The following HTR1E variants were observed in gnomAD, a reference collection of about 807,000 sequenced individuals.
The protein encoded by HTR1E is 5-hydroxytryptamine receptor 1E.
HTR1E carries 3 observed loss-of-function variants against 3.4 expected under a neutral mutation model. The observed-to-expected ratio is 0.89, with a 90% confidence interval of 0.41 to 2.31. The LOEUF (loss-of-function observed/expected upper bound fraction) is 2.31, where lower values mean the gene tolerates loss of function less well. Ranked by LOEUF, HTR1E falls within the 30% of genes most tolerant of loss-of-function variation. The probability of loss-of-function intolerance (pLI) is 0.05; values close to 1 mark genes in which losing one functional copy is unlikely to be tolerated. For missense variants in HTR1E, 392 were observed against 467.0 expected (o/e 0.84, Z 1.48); for synonymous variants, 170 against 182.8 (o/e 0.93, Z 0.56).
intron 1 of HTR1E, among the ~76,000 whole-genome samples, chr6:86,977,193 C>T (rs1471116998): frequency 1.3e-5 from 2 of 152,140 alleles, no homozygotes; most frequent in African/African-American, 2.4e-5. Flanking sequence ...TTCCCCCTCT[C>T]CCTCCTCTGG....
chr6:87,012,029 T>C (rs1263360247), intron 1 of HTR1E, among the ~76,000 whole-genome samples: 1 of 152,136 alleles, frequency 6.6e-6, no homozygotes, highest in African/African-American at 2.4e-5. Context: ...ATGCATGGTG[T>C]GGCTAGGGAC....
chr6:86,945,925 G>A (rs1160173898), intron 1 of HTR1E, among the ~76,000 whole-genome samples: 4 of 152,010 alleles, frequency 2.6e-5, no homozygotes, highest in Admixed American at 2.6e-4. Context: ...TTTTAGTAGA[G>A]ATGGGGATTC....
chr6:87,009,484 A>T (rs373044282), intron 1 of HTR1E, among the ~76,000 whole-genome samples: 3 of 151,548 alleles, frequency 2.0e-5, no homozygotes, highest in African/African-American at 7.3e-5. Flanking sequence ...CACGGCAACC[A>T]TCCGATTTCT....
chr6:86,999,889 C>G (rs1415996274), intron 1 of HTR1E, among the ~76,000 whole-genome samples: 1 of 152,210 alleles, frequency 6.6e-6, no homozygotes, highest in Non-Finnish European at 1.5e-5. Context: ...GTGCTACTAT[C>G]TACACAAACA....
At chr6:86,947,459 AT>A (rs201039956) in intron 1 of HTR1E, among the ~76,000 whole-genome samples, 5 of 151,952 alleles carry the variant, frequency 3.3e-5, no homozygotes, top group South Asian at 2.1e-4. Context: ...ACTTTAAGGG[AT>A]TTTTTTTCCT....
intron 1 of HTR1E, among the ~76,000 whole-genome samples, chr6:86,943,912 C>T (rs780302166): frequency 6.6e-6 from 1 of 152,146 alleles, no homozygotes; most frequent in Non-Finnish European, 1.5e-5. Context: ...TTAGCTAGGT[C>T]CTCTGGCTCA....
intron 1 of HTR1E, among the ~76,000 whole-genome samples, chr6:87,010,453 T>G (rs1452132130): frequency 2.8e-5 from 4 of 140,946 alleles, no homozygotes; most frequent in African/African-American, 7.9e-5. Flanking sequence ...GCAGAGACGC[T>G]CCTCACCTCC....
intron 1 of HTR1E, among the ~76,000 whole-genome samples, chr6:86,959,926 A>C (rs1348546519): frequency 6.6e-6 from 1 of 152,174 alleles, no homozygotes; most frequent in Non-Finnish European, 1.5e-5. Context: ...ACTCTTCCTT[A>C]GTGCCACTAT....
At position 86,949,847 on chromosome 6, in the gene HTR1E, T is replaced by C. The variant is rs141522437; in HGVS notation, c.-186+12024T>C. ...CACAGTGTTGTTGTCTTTTTTAATA[T>C]ACCTTCCTATTAAACCAGTTGCTCT... On this transcript the variant is annotated intron_variant, in intron 1 of 1. Coordinates refer to ENST00000305344, the MANE Select transcript of HTR1E (RefSeq NM_000865.3). Among the ~76,000 whole-genome samples the C allele has an allele frequency of 3.7e-3, 559 of 152,336 alleles. 2 individuals are homozygous for C. The highest frequency in any genetic ancestry group is 0.012 in the African/African-American group (500 of 41,574).
chr6:86,938,958 T>C (rs1305142105), intron 1 of HTR1E, among the ~76,000 whole-genome samples: 1 of 152,206 alleles, frequency 6.6e-6, no homozygotes, highest in Non-Finnish European at 1.5e-5. Flanking sequence ...AATCAGGGGC[T>C]TCCCTTACTT....
Position 87,016,163 on chromosome 6 carries a change from G to A in HTR1E, c.829G>A (p.Glu277Lys). Residue 277 changes from glutamate (E) to lysine (K), a missense_variant, in exon 2 of 2, where the codon GAA becomes AAA. Coordinates refer to ENST00000305344, the MANE Select transcript of HTR1E (RefSeq NM_000865.3). ...CGACAATGATCTAGATCACCCAGGAGAACGTCAGCAGATCTCTAGCACCAG... is the reference window on the plus strand; with the variant it reads ...CGACAATGATCTAGATCACCCAGGAAAACGTCAGCAGATCTCTAGCACCAG... ...PFDNDLDHPG[E>K]RQQISSTRER... is the part of the protein sequence containing the mutation. 1 of 1,614,144 alleles carries A rather than the reference G, an allele frequency of 6.2e-7. No homozygotes were observed. The highest frequency in any genetic ancestry group is 1.1e-5 in the South Asian group (1 of 91,082).
chr6:86,982,492 G>A (rs1465826717), intron 1 of HTR1E, among the ~76,000 whole-genome samples: 1 of 152,230 alleles, frequency 6.6e-6, no homozygotes, highest in Non-Finnish European at 1.5e-5. Context: ...GAATGCCTGA[G>A]GAGGAGTGAG....
chr6:86,956,459 C>A (rs1163340034), intron 1 of HTR1E, among the ~76,000 whole-genome samples: 1 of 152,258 alleles, frequency 6.6e-6, no homozygotes, highest in Middle Eastern at 3.4e-3. Context: ...CACTTTCAAC[C>A]AATTGCCAAT....
chr6:86,992,425 C>A (rs551985526), intron 1 of HTR1E, among the ~76,000 whole-genome samples: 1 of 152,224 alleles, frequency 6.6e-6, no homozygotes, highest in South Asian at 2.1e-4. Flanking sequence ...AGTTCTCAAG[C>A]CTACTATGAA....
rs546949712 is a variant in HTR1E, at chr6:86,999,045, T to C, written c.-185-16105T>C. On this transcript the variant is annotated intron_variant, in intron 1 of 1. Transcript: ENST00000305344. ...CGTGATCTCAGCTCACTACAACCTC[T>C]GCCTCTTGGGTTCAAACGATTCTCA... is the stretch of plus-strand genomic sequence containing the variant. Among the ~76,000 whole-genome samples the C allele has an allele frequency of 3.3e-4, 50 of 152,190 alleles. 1 individual carries two copies. The South Asian group carries it at 0.01, about 31-fold the overall frequency.
chr6:86,993,137 C>A (rs1049031618), intron 1 of HTR1E, among the ~76,000 whole-genome samples: 8 of 151,898 alleles, frequency 5.3e-5, no homozygotes, highest in Admixed American at 3.9e-4. Context: ...AAAAGAAGAA[C>A]CAGAAAAGGA....
At chr6:86,965,056 A>T (rs1009823766) in intron 1 of HTR1E, among the ~76,000 whole-genome samples, 1 of 152,120 alleles carries the variant, frequency 6.6e-6, no homozygotes, top group Non-Finnish European at 1.5e-5. Flanking sequence ...TTATAGGTCA[A>T]ATTCCCTATC....
intron 1 of HTR1E, among the ~76,000 whole-genome samples, chr6:86,967,156 G>T (rs1371342937): frequency 6.6e-6 from 1 of 152,050 alleles, no homozygotes; most frequent in Admixed American, 6.6e-5. Flanking sequence ...TATTCCTTTT[G>T]ATGCCCTTCC....
chr6:86,985,419 A>T (rs1767771563), intron 1 of HTR1E, among the ~76,000 whole-genome samples: 1 of 152,204 alleles, frequency 6.6e-6, no homozygotes, highest in Non-Finnish European at 1.5e-5. Flanking sequence ...TATAGGGAAC[A>T]TCAAAATATT....
Sources: allele counts gnomAD v4.1 joint callset (sites outside exome capture counted in the v4.1 genomes callset), GRCh38; gene constraint gnomAD v4.1.1; transcripts MANE v1.5; gene names NCBI Gene and HGNC (gene_info 2026-07-23, HGNC 2026-07-21).